Variants in LPAR1 observed in about 807,000 individuals in gnomAD.
LPAR1 encodes LPA receptor 1.
LPAR1 carries 5 observed loss-of-function variants against 23.8 expected under a neutral mutation model. That is an observed-to-expected ratio of 0.21 (90% CI 0.11 to 0.44). The LOEUF (loss-of-function observed/expected upper bound fraction) is 0.44, where lower values mean the gene tolerates loss of function less well. LPAR1 is among the 20% of genes least tolerant of loss of function. LPAR1 has a pLI of 0.99. For synonymous variants in LPAR1, 160 were observed against 164.7 expected (o/e 0.97, Z 0.22); for missense variants, 311 against 482.8 (o/e 0.64, Z 3.33).
intron 5 of LPAR1, among the ~76,000 whole-genome samples, chr9:110,894,480 T>C (rs549353236): frequency 6.6e-6 from 1 of 152,358 alleles, no homozygotes; most frequent in East Asian, 1.9e-4. Flanking sequence ...ATTTCTTTCC[T>C]TTCCTTCTTC....
In LPAR1 at chr9:110,941,421, C is replaced by T; in HGVS notation, c.793G>A (p.Gly265Arg). ...AAGTTACAGTCAAGACAGAACTTAC[C>T]AAGCACAATGACCACAGTCTTCAGA... ...SLLKTVVIVL[G>R]AFIICWTPGL... Residue 265 changes from glycine (G) to arginine (R), a missense_variant and splice_region_variant, in exon 5 of 6, where the codon GGG becomes AGG. Physicochemically the swap from Gly to Arg is moderately radical, Grantham distance 125. This residue lies in a region of LPAR1 where 250 missense variants were observed against 427.2 expected (regional missense o/e 0.59). Transcript: ENST00000683809. This position sits in a 1 kb window ranked among gnomAD's most constrained non-coding sequence, Gnocchi z 6.1. 1.9e-6 allele frequency: 3 copies of T among 1,605,376 alleles called. No homozygotes were observed. Among genetic ancestry groups the T allele is most frequent in the Non-Finnish European group, 2.6e-6 (3 of 1,175,478 alleles).
At chr9:110,942,337 T>C (rs2095162124) in intron 4 of LPAR1, among the ~76,000 whole-genome samples, 169 bp from the exon 5 acceptor site, 1 of 152,248 alleles carries the variant, frequency 6.6e-6, no homozygotes, top group Non-Finnish European at 1.5e-5. Context: ...ACTCCAAGGT[T>C]TCTCACAATA....
chr9:110,954,656 A>G (rs1301816477), intron 4 of LPAR1, among the ~76,000 whole-genome samples: 1 of 152,170 alleles, frequency 6.6e-6, no homozygotes, highest in Non-Finnish European at 1.5e-5. Context: ...GCCAGGAGAG[A>G]ATGGGATGGG....
At position 110,873,990 on chromosome 9, in the gene LPAR1, T is replaced by C. The variant is rs998712615; in HGVS notation, c.*1431A>G. 3 of 152,640 alleles carry C rather than the reference T, an allele frequency of 2.0e-5. No individual in the cohort carries two copies. The highest frequency in any genetic ancestry group is 6.5e-5 in the Admixed American group (1 of 15,282). The allele number at this position is 152,640 out of a possible 1,614,324, so 9.5% of individuals were successfully genotyped here. A position where few individuals can be genotyped will look rare whatever the true frequency, so the allele number is the denominator to read the frequency against. On this transcript the variant is annotated 3_prime_UTR_variant, in exon 6 of 6. Transcript: ENST00000683809. ...AGTCACTCTCAACTGAAGTGACCAC[T>C]GCATTTCTTTTGTAAAAAGGTCATT...
chr9:110,960,323 C>T (rs2137264976), intron 4 of LPAR1, among the ~76,000 whole-genome samples: 1 of 152,232 alleles, frequency 6.6e-6, no homozygotes, highest in Middle Eastern at 3.4e-3. Flanking sequence ...TAAACATGTA[C>T]AAATATTATG....
At chr9:110,905,411 T>C (rs913680281) in intron 5 of LPAR1, among the ~76,000 whole-genome samples, 1 of 151,562 alleles carries the variant, frequency 6.6e-6, no homozygotes, top group Non-Finnish European at 1.5e-5. Flanking sequence ...AGTGGCATGA[T>C]CTTGGCTCAC....
chr9:111,000,431 C>A (rs2140137325), intron 2 of LPAR1, among the ~76,000 whole-genome samples: 1 of 152,314 alleles, frequency 6.6e-6, no homozygotes, highest in Middle Eastern at 3.4e-3. Flanking sequence ...GGGTTTTCTC[C>A]TGTTTCAGCA....
rs542277466 is a variant in LPAR1 at position 110,952,322 on chromosome 9, T to C, written c.46-10154A>G. Among the ~76,000 whole-genome samples the C allele has an allele frequency of 2.1e-3, 312 of 152,186 alleles. 1 individual carries two copies. Among genetic ancestry groups the C allele is most frequent in the African/African-American group, 7.2e-3 (297 of 41,526 alleles). ...CAACCCAAAAGGGCCCTGAAACTGA[T>C]GTAGGGAGCTGCCTGGAGACCATGC... On this transcript the variant is annotated intron_variant, in intron 4 of 5. Transcript: ENST00000683809.
intron 5 of LPAR1, among the ~76,000 whole-genome samples, chr9:110,886,074 T>C (rs955705202): frequency 3.8e-4 from 58 of 152,170 alleles, no homozygotes; most frequent in Non-Finnish European, 7.5e-4. Flanking sequence ...GGCGGGTGCC[T>C]GTAATCTCAG....
chr9:110,877,039 G>A (rs532969372), intron 5 of LPAR1, among the ~76,000 whole-genome samples: 28 of 152,260 alleles, frequency 1.8e-4, no homozygotes, highest in African/African-American at 5.1e-4. Flanking sequence ...CAGGCAGAGC[G>A]GAAGTAGGAG....
At chr9:110,966,726 G>A (rs2096241164) in intron 4 of LPAR1, among the ~76,000 whole-genome samples, 1 of 152,054 alleles carries the variant, frequency 6.6e-6, no homozygotes, top group South Asian at 2.1e-4. Flanking sequence ...TGATAAAGAA[G>A]ACTCTTGCCT....
chr9:110,931,139 A>G (rs564371308), intron 5 of LPAR1, among the ~76,000 whole-genome samples: 4 of 152,340 alleles, frequency 2.6e-5, no homozygotes, highest in African/African-American at 9.6e-5. Context: ...AGAATATCTA[A>G]TAGAAATAAT....
chr9:110,943,633 G>A (rs190510213), intron 4 of LPAR1, among the ~76,000 whole-genome samples: 105 of 152,216 alleles, frequency 6.9e-4, no homozygotes, highest in Non-Finnish European at 1.2e-3. Context: ...GCCAAAGTGG[G>A]TGGATCACTT....
At chr9:111,031,080 G>A (rs1183583993) in intron 2 of LPAR1, among the ~76,000 whole-genome samples, 1 of 152,128 alleles carries the variant, frequency 6.6e-6, no homozygotes, top group Admixed American at 6.5e-5. Context: ...GGCAGAGAGA[G>A]ATTTTTACAT....
At chr9:111,024,459 T>C (rs1236776744) in intron 2 of LPAR1, among the ~76,000 whole-genome samples, 2 of 147,406 alleles carry the variant, frequency 1.4e-5, no homozygotes, top group African/African-American at 4.9e-5. Flanking sequence ...TTTTTATATA[T>C]ACATAATTAT....
intron 5 of LPAR1, among the ~76,000 whole-genome samples, chr9:110,878,086 A>C (rs908185850): frequency 2.6e-5 from 4 of 152,178 alleles, no homozygotes; most frequent in Non-Finnish European, 5.9e-5. Flanking sequence ...TTCATTGAGG[A>C]ACCTGGATTC....
intron 2 of LPAR1, among the ~76,000 whole-genome samples, chr9:110,982,631 A>T (rs1330135165): frequency 3.9e-5 from 6 of 152,004 alleles, no homozygotes; most frequent in South Asian, 2.1e-4. Context: ...ATAATAATAA[A>T]AAATAAAAAT....
At chr9:110,890,980 C>A (rs1448714932) in intron 5 of LPAR1, among the ~76,000 whole-genome samples, 1 of 152,106 alleles carries the variant, frequency 6.6e-6, no homozygotes, top group Non-Finnish European at 1.5e-5. Context: ...CAACAGAAAT[C>A]TTATTTAACA....
chr9:110,957,228 G>A (rs1268342911), intron 4 of LPAR1, among the ~76,000 whole-genome samples: 6 of 150,780 alleles, frequency 4.0e-5, no homozygotes, highest in East Asian at 1.9e-4. Context: ...ATAGTAGTGC[G>A]CACCTATAGT....
Sources: allele counts gnomAD v4.1 joint callset (sites outside exome capture counted in the v4.1 genomes callset), GRCh38; gene constraint gnomAD v4.1.1; regional missense constraint gnomAD v4.1.1; non-coding constraint Gnocchi (gnomAD v3.1); transcripts MANE v1.5; gene names NCBI Gene and HGNC (gene_info 2026-07-23, HGNC 2026-07-21).